Variants in KCNS2 observed in about 807,000 individuals in gnomAD.
KCNS2 encodes the protein delayed-rectifier potassium channel regulatory subunit KCNS2.
In KCNS2, 15 loss-of-function variants were observed where a neutral mutation model predicts 28.3. The observed-to-expected ratio is 0.53, with a 90% CI of 0.35 to 0.82. KCNS2 has a LOEUF of 0.82. KCNS2 is among the 40% of genes least tolerant of loss of function. KCNS2 has a pLI of 0.01. For missense variants in KCNS2, 501 were observed against 617.1 expected (o/e 0.81, Z 1.99); for synonymous variants, 254 against 256.7 (o/e 0.99, Z 0.10).
chr8:98,428,384 G>A lies in KCNS2; in HGVS notation c.405G>A (p.Trp135Ter). 1 of 1,614,168 alleles carries A rather than the reference G, an allele frequency of 6.2e-7. No homozygotes were observed. The highest frequency in any genetic ancestry group is 8.5e-7 in the Non-Finnish European group (1 of 1,180,026). ...GRKVEPEQEK[W>*]DEQSDQESTT... ...AAGTAGAGCCCGAGCAGGAGAAGTG[G>A]GACGAGCAGAGTGACCAGGAGAGCA... Residue 135 changes from tryptophan to a stop codon, truncating the protein, a stop_gained, in exon 2 of 2, where the codon TGG (tryptophan) becomes TGA (stop). Coordinates refer to ENST00000287042, the MANE Select transcript of KCNS2 (RefSeq NM_020697.4). LOFTEE classifies it high-confidence loss of function. This position sits in a 1 kb window ranked among gnomAD's most constrained non-coding sequence, Gnocchi z 6.7.
rs901818749 is a variant in KCNS2, at chr8:98,432,539, C to G, written c.*3126C>G. On this transcript the variant is annotated 3_prime_UTR_variant, in exon 2 of 2. Transcript: ENST00000287042. Reference sequence around the variant, plus strand: ...TGTAATGCCAAGCTGATTTGTAGCTCGTAAGGTAGTAATTGGTATTTAACA... The same window carrying G: ...TGTAATGCCAAGCTGATTTGTAGCTGGTAAGGTAGTAATTGGTATTTAACA... 6.0e-6 allele frequency: 1 copy of G among 167,012 alleles called. No individual in the cohort carries two copies. Among genetic ancestry groups the G allele is most frequent in the Admixed American group, 6.5e-5 (1 of 15,276 alleles). The allele number at this position is 167,012 out of a possible 1,614,324, so 10.3% of individuals were successfully genotyped here. A position where few individuals can be genotyped will look rare whatever the true frequency, so the allele number is the denominator to read the frequency against.
Position 98,429,003 on chromosome 8 carries a change from A to C in KCNS2, c.1024A>C (p.Ile342Leu), listed in dbSNP as rs751114787. The C allele has an allele frequency of 1.9e-6, 3 of 1,613,872 alleles. No homozygotes were observed. In the South Asian group the frequency reaches 3.3e-5, roughly 18 times the overall value. The change falls in exon 2 of 2, where the codon ATC becomes CTC. Residue 342 changes from isoleucine to leucine, a missense_variant. Physicochemically the swap from Ile to Leu is conservative, Grantham distance 5 (BLOSUM62 2). Transcript: ENST00000287042. ...LLLYLSVGIS[I>L]FSVVAYTIEK... is the part of the protein sequence containing the mutation. Reference sequence around the variant, plus strand: ...GCTCTACCTCTCCGTGGGGATTTCCATCTTCTCCGTGGTGGCCTACACCAT... The same window carrying C: ...GCTCTACCTCTCCGTGGGGATTTCCCTCTTCTCCGTGGTGGCCTACACCAT...
At position 98,429,316 on chromosome 8, in the gene KCNS2, A is replaced by T. The variant is rs1414555600; in HGVS notation, c.1337A>T (p.Asp446Val). 1 of 1,614,068 alleles carries T rather than the reference A, an allele frequency of 6.2e-7. No individual in the cohort carries two copies. The highest frequency in any genetic ancestry group is 1.7e-5 in the Admixed American group (1 of 60,026). The change falls in exon 2 of 2, where the codon GAC (aspartate) becomes GTC (valine). Residue 446 changes from aspartate (D) to valine (V), a missense_variant. Asp to Val is a radical substitution (Grantham distance 152). Coordinates refer to ENST00000287042, the MANE Select transcript of KCNS2 (RefSeq NM_020697.4). ...GAGGTCCCTTCGGTCAATTTAAGGGACTATTATGCCCATAAAGTTAAATCC... is the reference window on the plus strand; with the variant it reads ...GAGGTCCCTTCGGTCAATTTAAGGGTCTATTATGCCCATAAAGTTAAATCC... ...MKEVPSVNLR[D>V]YYAHKVKSLM...
At chr8:98,427,756 A>C in intron 1 of KCNS2, 182 bp from the exon 2 acceptor site, 1 of 493,200 alleles carries the variant, frequency 2.0e-6, no homozygotes, top group African/African-American at 2.0e-5. Context: ...CTGTGCTAAT[A>C]GAAACATACC....
Position 98,432,439 on chromosome 8 carries a change from T to C in KCNS2, c.*3026T>C, listed in dbSNP as rs1211987757. On this transcript the variant is annotated 3_prime_UTR_variant, in exon 2 of 2. Transcript: ENST00000287042. ...GGAAGTGACACGTCTGTTGCACAAA[T>C]GCATATTGGTTATAGGTTTGTGTTT... 4 of 167,120 alleles carry C rather than the reference T, an allele frequency of 2.4e-5. No individual in the cohort carries two copies. Among genetic ancestry groups the C allele is most frequent in the Admixed American group, 6.5e-5 (1 of 15,282 alleles). The allele number at this position is 167,120 out of a possible 1,614,324, so 10.4% of individuals were successfully genotyped here.
At position 98,430,485 on chromosome 8, in the gene KCNS2, G is replaced by A. The variant is rs968886736; in HGVS notation, c.*1072G>A. ...GGGCAGTAGCTTAAATACTTTTGTTGCCTACTCTGAAAGCTCATCAAATGA... is the reference window on the plus strand; with the variant it reads ...GGGCAGTAGCTTAAATACTTTTGTTACCTACTCTGAAAGCTCATCAAATGA... On this transcript the variant is annotated 3_prime_UTR_variant, in exon 2 of 2. Transcript: ENST00000287042. 1 of 167,080 alleles carries A rather than the reference G, an allele frequency of 6.0e-6. No individual in the cohort carries two copies. The allele number at this position is 167,080 out of a possible 1,614,324, so 10.3% of individuals were successfully genotyped here. A position where few individuals can be genotyped will look rare whatever the true frequency, so the allele number is the denominator to read the frequency against.
chr8:98,428,489 C>A lies in KCNS2; in HGVS notation c.510C>A (p.Arg170=), dbSNP rs1818278710. ...KFDGQPLGNF[R]RQLWLALDNP... is the part of the protein sequence containing the mutation. Reference sequence around the variant, plus strand: ...ATGGGCAGCCCCTCGGCAACTTCCGCAGGCAGCTGTGGCTGGCGCTGGACA... The same window carrying A: ...ATGGGCAGCCCCTCGGCAACTTCCGAAGGCAGCTGTGGCTGGCGCTGGACA... Residue 170 remains arginine, a synonymous_variant, in exon 2 of 2, where the codon CGC becomes CGA. Coordinates refer to ENST00000287042, the MANE Select transcript of KCNS2 (RefSeq NM_020697.4). This position sits in a 1 kb window ranked among gnomAD's most constrained non-coding sequence, Gnocchi z 6.7. 14 of 1,614,038 alleles carry A rather than the reference C, an allele frequency of 8.7e-6. No individual in the cohort carries two copies. Among genetic ancestry groups the A allele is most frequent in the Non-Finnish European group, 1.0e-5 (12 of 1,180,044 alleles).
rs917469073 is a variant in KCNS2 at position 98,427,772 on chromosome 8, C to T, written c.-42-166C>T. 1.8e-5 allele frequency: 10 copies of T among 551,528 alleles called. No homozygotes were observed. In the East Asian group the frequency reaches 2.9e-4, roughly 16 times the overall value. The allele number at this position is 551,528 out of a possible 1,614,324, so 34.2% of individuals were successfully genotyped here. A position where few individuals can be genotyped will look rare whatever the true frequency, so the allele number is the denominator to read the frequency against. On this transcript the variant is annotated intron_variant, in intron 1 of 1. Coordinates refer to ENST00000287042, the MANE Select transcript of KCNS2 (RefSeq NM_020697.4). ...TGTGCTAATAGAAACATACCCACCC[C>T]CAGCCTTTCCTGGGAGGGGATCAGA... is the stretch of plus-strand genomic sequence containing the variant.
rs923271704 is a variant in KCNS2 at position 98,429,104 on chromosome 8, G to T, written c.1125G>T (p.Val375=). 19 of 1,613,588 alleles carry T rather than the reference G, an allele frequency of 1.2e-5. No individual in the cohort carries two copies. The highest frequency in any genetic ancestry group is 1.7e-5 in the Admixed American group (1 of 60,014). Residue 375 remains valine (V), a synonymous_variant, in exon 2 of 2, where the codon GTG becomes GTT. Transcript: ENST00000287042. ...GGGCTACCGTCAGTATGACCACAGTGGGGTACGGGGATGTGGTCCCAGGGA... is the reference window on the plus strand; with the variant it reads ...GGGCTACCGTCAGTATGACCACAGTTGGGTACGGGGATGTGGTCCCAGGGA... ...WWWATVSMTT[V]GYGDVVPGTT... is the part of the protein sequence containing the mutation.
intron 1 of KCNS2, 82 bp from the exon 2 acceptor site, chr8:98,427,855 TG>T: frequency 3.9e-6 from 3 of 764,244 alleles, no homozygotes; most frequent in South Asian, 1.9e-5. Flanking sequence ...CCAGGAGGCC[TG>T]GGCCCGCCAG....
At chr8:98,427,907 C>T in intron 1 of KCNS2, 31 bp from the exon 2 acceptor site, 1 of 1,320,442 alleles carries the variant, frequency 7.6e-7, no homozygotes, top group Non-Finnish European at 1.0e-6. Flanking sequence ...GCGCACGGCG[C>T]TCTCGCCGAC....
Position 98,427,136 on chromosome 8 carries a change from A to T in KCNS2, c.-236A>T, listed in dbSNP as rs1005484870. On this transcript the variant is annotated 5_prime_UTR_variant, in exon 1 of 2. Transcript: ENST00000287042. Reference sequence around the variant, plus strand: ...ACGCAGCCACCTGTGAGCCTTCGGCAGCTGCGGGCGGCGGCGGCGTACCCG... The same window carrying T: ...ACGCAGCCACCTGTGAGCCTTCGGCTGCTGCGGGCGGCGGCGGCGTACCCG... 2.0e-5 allele frequency: 3 copies of T among 149,926 alleles called. No individual in the cohort carries two copies. Among genetic ancestry groups the T allele is most frequent in the African/African-American group, 7.3e-5 (3 of 41,082 alleles). The allele number at this position is 149,926 out of a possible 1,614,324, so 9.3% of individuals were successfully genotyped here. A position where few individuals can be genotyped will look rare whatever the true frequency, so the allele number is the denominator to read the frequency against.
rs776549764 is a variant in KCNS2 at position 98,430,952 on chromosome 8, C to T, written c.*1539C>T. The T allele has an allele frequency of 6.0e-6, 1 of 167,066 alleles. No individual in the cohort carries two copies. The highest frequency in any genetic ancestry group is 1.5e-5 in the Non-Finnish European group (1 of 68,110). The allele number at this position is 167,066 out of a possible 1,614,324, so 10.3% of individuals were successfully genotyped here. A position where few individuals can be genotyped will look rare whatever the true frequency, so the allele number is the denominator to read the frequency against. ...AGCACATAACATTGTGATGGGGAACCTGGGTTCCTCTATAAGATAATTCTT... is the reference window on the plus strand; with the variant it reads ...AGCACATAACATTGTGATGGGGAACTTGGGTTCCTCTATAAGATAATTCTT... On this transcript the variant is annotated 3_prime_UTR_variant, in exon 2 of 2. Coordinates refer to ENST00000287042, the MANE Select transcript of KCNS2 (RefSeq NM_020697.4).
At chr8:98,427,371 C>G (rs951121000) in intron 1 of KCNS2, 42 bp downstream of exon 1, 1 of 152,016 alleles carries the variant, frequency 6.6e-6, no homozygotes, top group Non-Finnish European at 1.5e-5. Flanking sequence ...CGGGCAGCCC[C>G]GCTGGGTGAG....
rs1204948479 is a variant in KCNS2, at chr8:98,431,800, G to C, written c.*2387G>C. 6.0e-6 allele frequency: 1 copy of C among 167,058 alleles called. No individual in the cohort carries two copies. Among genetic ancestry groups the C allele is most frequent in the Non-Finnish European group, 1.5e-5 (1 of 68,120 alleles). The allele number at this position is 167,058 out of a possible 1,614,324, so 10.3% of individuals were successfully genotyped here. A position where few individuals can be genotyped will look rare whatever the true frequency, so the allele number is the denominator to read the frequency against. Reference sequence around the variant, plus strand: ...TGCATTTATCTGGTGCCTTTCGTTGGAGGAATCCCAACGTGCTTTAGAGAC... The same window carrying C: ...TGCATTTATCTGGTGCCTTTCGTTGCAGGAATCCCAACGTGCTTTAGAGAC... On this transcript the variant is annotated 3_prime_UTR_variant, in exon 2 of 2. Transcript: ENST00000287042.
In KCNS2 at chr8:98,431,425, T is replaced by C. The variant is rs921418781; in HGVS notation, c.*2012T>C. On this transcript the variant is annotated 3_prime_UTR_variant, in exon 2 of 2. Transcript: ENST00000287042. The stretch of plus-strand genomic sequence containing the variant: ...CTGAATCAGAGGAGCAGAGTTATTT[T>C]TCAGAATTTGCACATGGAACACTTA... The C allele has an allele frequency of 1.2e-5, 2 of 167,086 alleles. No individual in the cohort carries two copies. Among genetic ancestry groups the C allele is most frequent in the South Asian group, 2.1e-4 (1 of 4,828 alleles). The allele number at this position is 167,086 out of a possible 1,614,324, so 10.4% of individuals were successfully genotyped here. A position where few individuals can be genotyped will look rare whatever the true frequency, so the allele number is the denominator to read the frequency against.
At position 98,429,409 on chromosome 8, in the gene KCNS2, G is replaced by T. The variant is rs541495971; in HGVS notation, c.1430G>T (p.Arg477Leu). 2.5e-6 allele frequency: 4 copies of T among 1,601,530 alleles called. No homozygotes were observed. Among genetic ancestry groups the T allele is most frequent in the African/African-American group, 2.7e-5 (2 of 74,660 alleles). ...GAACTCAGTTTAAATGATTCCCTAC[G>T]TTAGCCGGGAGGACTTGTCACCCTC... ...PSELSLNDSL[R>L] Residue 477 changes from arginine to leucine, a missense_variant, in exon 2 of 2, where the codon CGT (arginine) becomes CTT (leucine). By Grantham distance (102) the Arg-to-Leu change is moderately radical. Coordinates refer to ENST00000287042, the MANE Select transcript of KCNS2 (RefSeq NM_020697.4).
At position 98,427,091 on chromosome 8, in the gene KCNS2, G is replaced by C. The variant is rs1233397494; in HGVS notation, c.-281G>C. On this transcript the variant is annotated 5_prime_UTR_variant, in exon 1 of 2. Transcript: ENST00000287042. ...AGGGGCGCGCGGATCCGGAGAGGGG[G>C]CTCCGGGAGCGGCGGGACCACGCAG... The C allele has an allele frequency of 1.3e-5, 2 of 150,548 alleles. No individual in the cohort carries two copies. Among genetic ancestry groups the C allele is most frequent in the Non-Finnish European group, 3.0e-5 (2 of 67,392 alleles). 9.3% of individuals were successfully genotyped at this position (150,548 alleles called of 1,614,324 possible). A position where few individuals can be genotyped will look rare whatever the true frequency, so the allele number is the denominator to read the frequency against.
At position 98,431,759 on chromosome 8, in the gene KCNS2, C is replaced by G. The variant is rs979440842; in HGVS notation, c.*2346C>G. On this transcript the variant is annotated 3_prime_UTR_variant, in exon 2 of 2. Transcript: ENST00000287042. Reference sequence around the variant, plus strand: ...GTGAAAGCTGGAAAACTTGACTTTTCTTTTTGGTAATGACTTGCATTTATC... The same window carrying G: ...GTGAAAGCTGGAAAACTTGACTTTTGTTTTTGGTAATGACTTGCATTTATC... The G allele has an allele frequency of 6.0e-6, 1 of 167,118 alleles. No individual in the cohort carries two copies. Among genetic ancestry groups the G allele is most frequent in the Non-Finnish European group, 1.5e-5 (1 of 68,112 alleles). The allele number at this position is 167,118 out of a possible 1,614,324, so 10.4% of individuals were successfully genotyped here. A position where few individuals can be genotyped will look rare whatever the true frequency, so the allele number is the denominator to read the frequency against.
Sources: gnomAD v4.1 joint callset for allele counts on GRCh38, gnomAD v4.1.1 for gene constraint, Gnocchi (gnomAD v3.1) non-coding constraint, MANE v1.5 for transcripts, NCBI Gene and HGNC (gene_info 2026-07-23, HGNC 2026-07-21) for gene names.